The following CPNE8 variants were observed in gnomAD, a reference collection of about 807,000 sequenced individuals.
The protein encoded by CPNE8 is copine 8.
In CPNE8, 45 loss-of-function variants were observed where a neutral mutation model predicts 81.5. The observed-to-expected ratio is 0.55, with a 90% confidence interval of 0.44 to 0.71. CPNE8 has a LOEUF of 0.71. CPNE8 is among the 30% of genes least tolerant of loss of function. The pLI is 0.00. For synonymous variants in CPNE8, 252 were observed against 226.3 expected, an observed-to-expected ratio of 1.11 and a Z score of -1.02; for missense variants, 594 against 672.1, an observed-to-expected ratio of 0.88 and a Z score of 1.28.
Position 38,772,928 on chromosome 12 carries a change from T to TACACACAC in CPNE8, c.471+3302_471+3309dup, listed in dbSNP as rs36058381. 8.4e-3 allele frequency among the ~76,000 whole-genome samples: 1,272 copies of TACACACAC among 150,996 alleles called. 17 individuals carry two copies. The highest frequency in any genetic ancestry group is 0.038 in the Middle Eastern group (11 of 292). The stretch of plus-strand genomic sequence containing the variant: ...ATGTTTTATATATATATAAAATTTA[T>TACACACAC]ACACACACACACACACATATATATG... On this transcript the variant is annotated intron_variant, in intron 7 of 19. Coordinates refer to ENST00000331366, the MANE Select transcript of CPNE8 (RefSeq NM_153634.3).
At chr12:38,854,564 A>C (rs1208734246) in intron 3 of CPNE8, among the ~76,000 whole-genome samples, 2 of 151,980 alleles carry the variant, frequency 1.3e-5, no homozygotes, top group African/African-American at 2.4e-5. Context: ...ACATTAAAAG[A>C]ATAATTTATC....
At chr12:38,676,527 C>T (rs964739781) in intron 17 of CPNE8, among the ~76,000 whole-genome samples, 3 of 152,016 alleles carry the variant, frequency 2.0e-5, no homozygotes, top group East Asian at 1.9e-4. Flanking sequence ...TCATTTATAC[C>T]CAAGGTTAGA....
intron 9 of CPNE8, among the ~76,000 whole-genome samples, chr12:38,761,793 C>T (rs1941578021): frequency 6.6e-6 from 1 of 152,136 alleles, no homozygotes; most frequent in Non-Finnish European, 1.5e-5. Context: ...ATGAGTTATG[C>T]CAAATAACAT....
At chr12:38,795,297 A>G (rs1314039538) in intron 6 of CPNE8, among the ~76,000 whole-genome samples, 1 of 152,220 alleles carries the variant, frequency 6.6e-6, no homozygotes, top group East Asian at 1.9e-4. Context: ...CCTCTAGAGA[A>G]CACTGATTAA....
intron 3 of CPNE8, among the ~76,000 whole-genome samples, chr12:38,864,848 T>A (rs1441066952): frequency 1.3e-5 from 2 of 152,122 alleles, no homozygotes; most frequent in African/African-American, 4.8e-5. Flanking sequence ...TTATAAAGGA[T>A]CATATCGCTA....
chr12:38,876,248 G>A (rs1054620263), intron 1 of CPNE8, among the ~76,000 whole-genome samples: 1 of 152,026 alleles, frequency 6.6e-6, no homozygotes, highest in Non-Finnish European at 1.5e-5. Flanking sequence ...ACTTTCACTC[G>A]TTACCCAGGC....
Position 38,677,519 on chromosome 12 carries a change from A to G in CPNE8, c.1307T>C (p.Phe436Ser). The stretch of plus-strand genomic sequence containing the variant: ...ACCATCTGTAACAATCAGAAGCACA[A>G]AATACTGGGAGCCATCCTTTACAGA... ...ASSVKDGSQY[F>S]VLLIVTDGVI... The change falls in exon 17 of 20, where the codon TTT becomes TCT. Residue 436 changes from phenylalanine (F) to serine (S), a missense_variant. Phe to Ser is a radical substitution (Grantham distance 155). Transcript: ENST00000331366. 2 of 1,612,480 alleles carry G rather than the reference A, an allele frequency of 1.2e-6. No individual in the cohort carries two copies. Among genetic ancestry groups the G allele is most frequent in the Non-Finnish European group, 1.7e-6 (2 of 1,178,896 alleles).
chr12:38,703,435 T>G (rs986604405), intron 13 of CPNE8, among the ~76,000 whole-genome samples: 1 of 152,052 alleles, frequency 6.6e-6, no homozygotes, highest in African/African-American at 2.4e-5. Context: ...CTCAAGAAGC[T>G]AGGCATTGAA....
chr12:38,735,292 T>C (rs1361974608), intron 10 of CPNE8, among the ~76,000 whole-genome samples: 1 of 152,062 alleles, frequency 6.6e-6, no homozygotes, highest in Non-Finnish European at 1.5e-5. Context: ...GTAGTTATGA[T>C]GACCCTAATT....
intron 10 of CPNE8, among the ~76,000 whole-genome samples, chr12:38,731,285 C>A (rs534939389): frequency 1.3e-5 from 2 of 151,896 alleles, no homozygotes; most frequent in Non-Finnish European, 1.5e-5. Context: ...TTAAGCTCTG[C>A]CAATTTGTTT....
intron 6 of CPNE8, among the ~76,000 whole-genome samples, chr12:38,790,643 G>A (rs1942298688): frequency 6.6e-6 from 1 of 151,480 alleles, no homozygotes; most frequent in Non-Finnish European, 1.5e-5. Context: ...TTGAGGGGAT[G>A]GATACCATAT....
intron 6 of CPNE8, among the ~76,000 whole-genome samples, chr12:38,818,918 G>A (rs888337521): frequency 3.9e-5 from 6 of 152,098 alleles, no homozygotes; most frequent in South Asian, 2.1e-4. Context: ...TTTGTTGGCC[G>A]CATAAGTGTC....
intron 6 of CPNE8, among the ~76,000 whole-genome samples, chr12:38,814,656 G>A (rs1343729185): frequency 6.6e-6 from 1 of 151,844 alleles, no homozygotes; most frequent in Non-Finnish European, 1.5e-5. Context: ...GCTGAACAAT[G>A]GAATTTTAAG....
intron 15 of CPNE8, among the ~76,000 whole-genome samples, chr12:38,686,565 T>C (rs184365240): frequency 1.6e-4 from 24 of 152,360 alleles, no homozygotes; most frequent in Non-Finnish European, 1.9e-4. Flanking sequence ...TATAGTGGCT[T>C]AAAGCAATGA....
At chr12:38,751,886 A>C (rs954633768) in intron 10 of CPNE8, among the ~76,000 whole-genome samples, 1 of 151,888 alleles carries the variant, frequency 6.6e-6, no homozygotes, top group African/African-American at 2.4e-5. Context: ...CTTCTGATTT[A>C]TTTTCTTTTT....
At chr12:38,879,366 C>T (rs1944117219) in intron 1 of CPNE8, among the ~76,000 whole-genome samples, 1 of 151,798 alleles carries the variant, frequency 6.6e-6, no homozygotes, top group South Asian at 2.1e-4. Context: ...TCTCCCTCCT[C>T]GAATTGTCTG....
chr12:38,721,558 A>T lies in CPNE8; in HGVS notation c.914+2214T>A, dbSNP rs555066374. On this transcript the variant is annotated intron_variant, in intron 13 of 19. Coordinates refer to ENST00000331366, the MANE Select transcript of CPNE8 (RefSeq NM_153634.3). The stretch of plus-strand genomic sequence containing the variant: ...TTGGCTCACCCTTCATTTTCTGCAT[A>T]CCTCATTCTTCCTGGCTATAGGAGA... Among the ~76,000 whole-genome samples the T allele has an allele frequency of 5.3e-4, 81 of 152,256 alleles. 1 individual carries two copies. In the Middle Eastern group the frequency reaches 0.01, roughly 19 times the overall value.
At chr12:38,694,633 G>A (rs1476619844) in intron 14 of CPNE8, among the ~76,000 whole-genome samples, 1 of 152,180 alleles carries the variant, frequency 6.6e-6, no homozygotes, top group Non-Finnish European at 1.5e-5. Flanking sequence ...CTTGAATAGT[G>A]ATGAAATTGA....
At chr12:38,837,689 A>C (rs1943407022) in intron 5 of CPNE8, among the ~76,000 whole-genome samples, 1 of 152,100 alleles carries the variant, frequency 6.6e-6, no homozygotes, top group Non-Finnish European at 1.5e-5. Context: ...TCAAGAACGG[A>C]GTAGTCAATC....
Sources: allele counts gnomAD v4.1 joint callset (sites outside exome capture counted in the v4.1 genomes callset), GRCh38; gene constraint gnomAD v4.1.1; transcripts MANE v1.5; gene names NCBI Gene and HGNC (gene_info 2026-07-23, HGNC 2026-07-21).